The following ADAMTS6 variants were observed in gnomAD, a reference collection of about 807,000 sequenced individuals.
The protein encoded by ADAMTS6 is ADAM metallopeptidase with thrombospondin type 1 motif 6, also known as A disintegrin and metalloproteinase with thrombospondin motifs 6.
A neutral mutation model predicts 144.3 loss-of-function variants in ADAMTS6; 23 were observed. That is an observed-to-expected ratio of 0.16 (90% CI 0.11 to 0.23). ADAMTS6 has a LOEUF of 0.23. ADAMTS6 is among the 10% of genes least tolerant of loss of function. The pLI, the probability that ADAMTS6 is intolerant of heterozygous loss-of-function variation, is 1.00. For synonymous variants in ADAMTS6, 444 were observed against 457.5 expected, an observed-to-expected ratio of 0.97 and a Z score of 0.38; for missense variants, 999 against 1,379.6, an observed-to-expected ratio of 0.72 and a Z score of 4.37.
chr5:65,469,334 A>C (rs1760256904), intron 3 of ADAMTS6, among the ~76,000 whole-genome samples: 2 of 152,082 alleles, frequency 1.3e-5, no homozygotes, highest in Non-Finnish European at 2.9e-5. Context: ...CCCACAATGG[A>C]ATTAGTTTTG....
chr5:65,405,189 C>CT (rs1404352878), intron 7 of ADAMTS6, among the ~76,000 whole-genome samples: 1 of 152,158 alleles, frequency 6.6e-6, no homozygotes, highest in Non-Finnish European at 1.5e-5. Context: ...GTTGCCATTG[C>CT]TTTAGGTGTT....
chr5:65,391,557 T>C (rs1752915817), intron 7 of ADAMTS6, among the ~76,000 whole-genome samples: 1 of 152,110 alleles, frequency 6.6e-6, no homozygotes, highest in African/African-American at 2.4e-5. Context: ...TAAATTTACA[T>C]TGCAACACTT....
At chr5:65,404,064 C>T (rs1021431708) in intron 7 of ADAMTS6, among the ~76,000 whole-genome samples, 1 of 151,954 alleles carries the variant, frequency 6.6e-6, no homozygotes, top group Non-Finnish European at 1.5e-5. Context: ...TATACCAAAT[C>T]CTGAAAAAAC....
chr5:65,473,258 C>A (rs1195975581), intron 2 of ADAMTS6, among the ~76,000 whole-genome samples: 2 of 152,078 alleles, frequency 1.3e-5, no homozygotes, highest in Non-Finnish European at 2.9e-5. Flanking sequence ...TCTCTTTGAA[C>A]ATGTCCTTGC....
intron 9 of ADAMTS6, among the ~76,000 whole-genome samples, chr5:65,307,927 C>A (rs1237274803): frequency 6.6e-6 from 1 of 152,156 alleles, no homozygotes; most frequent in East Asian, 1.9e-4. Flanking sequence ...ATTAAAGTCG[C>A]AGCCTCCCTT....
chr5:65,350,464 G>A (rs1196214437), intron 7 of ADAMTS6, among the ~76,000 whole-genome samples: 6 of 151,942 alleles, frequency 3.9e-5, no homozygotes, highest in Admixed American at 2.6e-4. Flanking sequence ...CTTCTTTAGC[G>A]GTAGCACAGA....
At chr5:65,274,620 C>A (rs965920285) in intron 11 of ADAMTS6, among the ~76,000 whole-genome samples, 3 of 152,096 alleles carry the variant, frequency 2.0e-5, no homozygotes, top group African/African-American at 7.2e-5. Flanking sequence ...TCTTTGGGTT[C>A]CTCTTTAGGG....
chr5:65,222,872 TC>T (rs1395681745), intron 18 of ADAMTS6, among the ~76,000 whole-genome samples: 1 of 151,512 alleles, frequency 6.6e-6, no homozygotes, highest in Non-Finnish European at 1.5e-5. Context: ...TTGAATTTCA[TC>T]AAAATTAAAA....
At chr5:65,289,490 C>A (rs997084839) in intron 11 of ADAMTS6, among the ~76,000 whole-genome samples, 1 of 152,190 alleles carries the variant, frequency 6.6e-6, no homozygotes, top group African/African-American at 2.4e-5. Flanking sequence ...TGTGCCACTG[C>A]ACTCCAGCCT....
At chr5:65,224,051 C>T (rs1338502221) in intron 18 of ADAMTS6, among the ~76,000 whole-genome samples, 7 of 152,208 alleles carry the variant, frequency 4.6e-5, no homozygotes, top group South Asian at 4.1e-4. Context: ...CCACCCGCCT[C>T]GGCCTCCCAA....
At chr5:65,476,950 T>TA (rs1411495156) in intron 1 of ADAMTS6, among the ~76,000 whole-genome samples, 3 of 152,190 alleles carry the variant, frequency 2.0e-5, no homozygotes, top group Non-Finnish European at 2.9e-5. Context: ...TTAATGTGAA[T>TA]AGTTTTTAAC....
At position 65,390,483 on chromosome 5, in the gene ADAMTS6, C is replaced by T. The variant is rs142784575; in HGVS notation, c.1074-56398G>A. Among the ~76,000 whole-genome samples the T allele has an allele frequency of 5.9e-5, 9 of 152,246 alleles. No individual in the cohort carries two copies. The East Asian group carries it at 1.3e-3, about 23-fold the overall frequency. The stretch of plus-strand genomic sequence containing the variant: ...GCTTTCAAAGCAAGATACAACAGAA[C>T]GGTTAATATACCAGCAGAGGTCAGG... On this transcript the variant is annotated intron_variant, in intron 7 of 24. Transcript: ENST00000381055.
chr5:65,273,484 G>C (rs766584443), intron 11 of ADAMTS6, 37 bp from the exon 12 acceptor site: 2 of 1,517,102 alleles, frequency 1.3e-6, no homozygotes, highest in South Asian at 1.1e-5. Context: ...ATCAGAAATA[G>C]AGTCATGTCC....
At chr5:65,261,764 A>G (rs1187938553) in intron 13 of ADAMTS6, among the ~76,000 whole-genome samples, 1 of 152,148 alleles carries the variant, frequency 6.6e-6, no homozygotes, top group Non-Finnish European at 1.5e-5. Flanking sequence ...GTTTAGCAAG[A>G]GAGGAATAAT....
chr5:65,327,380 G>A (rs1175283546), intron 9 of ADAMTS6, among the ~76,000 whole-genome samples: 2 of 152,068 alleles, frequency 1.3e-5, no homozygotes, highest in African/African-American at 4.8e-5. Context: ...GTTGTCTGGG[G>A]AAGGGGGATA....
At chr5:65,341,085 T>G (rs1747776412) in intron 7 of ADAMTS6, among the ~76,000 whole-genome samples, 1 of 151,866 alleles carries the variant, frequency 6.6e-6, no homozygotes, top group Admixed American at 6.6e-5. Flanking sequence ...CGTATGAAAT[T>G]AAACAACATG....
At chr5:65,262,316 G>A (rs1278844967) in intron 13 of ADAMTS6, among the ~76,000 whole-genome samples, 1 of 152,222 alleles carries the variant, frequency 6.6e-6, no homozygotes, top group Non-Finnish European at 1.5e-5. Context: ...CATATGAATG[G>A]AAACTATTTT....
intron 21 of ADAMTS6, among the ~76,000 whole-genome samples, chr5:65,194,418 A>C (rs1755206874): frequency 6.6e-6 from 1 of 152,232 alleles, no homozygotes; most frequent in South Asian, 2.1e-4. Context: ...CTGTGTTGCC[A>C]GATGATTTTG....
chr5:65,211,709 T>A (rs1388299244), intron 20 of ADAMTS6, among the ~76,000 whole-genome samples: 4 of 152,170 alleles, frequency 2.6e-5, no homozygotes, highest in Non-Finnish European at 5.9e-5. Context: ...GATACTGTTT[T>A]TCCTTGGCAA....
Sources: allele counts gnomAD v4.1 joint callset (sites outside exome capture counted in the v4.1 genomes callset), GRCh38; gene constraint gnomAD v4.1.1; transcripts MANE v1.5; gene names NCBI Gene and HGNC (gene_info 2026-07-23, HGNC 2026-07-21).